C12orf42: variants seen among roughly 807,000 people sequenced by gnomAD.
C12orf42 encodes the protein chromosome 12 open reading frame 42, also known as uncharacterized protein C12orf42.
A neutral mutation model predicts 21.6 loss-of-function variants in C12orf42; 25 were observed. That is an observed-to-expected ratio of 1.16 (90% CI 0.84 to 1.62). The LOEUF (loss-of-function observed/expected upper bound fraction) is 1.62. Ranked by LOEUF, C12orf42 falls within the 40% of genes most tolerant of loss-of-function variation. C12orf42 has a pLI of 0.00. For missense variants in C12orf42, 483 were observed against 459.3 expected, an observed-to-expected ratio of 1.05 and a Z score of -0.47; for synonymous variants, 174 against 175.0, an observed-to-expected ratio of 0.99 and a Z score of 0.05.
At chr12:103,559,079 T>G in the C12orf42 span, 1 of 152,154 alleles carries the variant, frequency 6.6e-6, no homozygotes, top group East Asian at 1.9e-4. Flanking sequence ...CTGATAAGAG[T>G]GTGTCTTTAT....
chr12:103,222,304 G>A, the C12orf42 span, among the ~76,000 whole-genome samples: 1 of 151,708 alleles, frequency 6.6e-6, no homozygotes, highest in Non-Finnish European at 1.5e-5. Context: ...TTCTCTGGCG[G>A]GCAGGAGTGG....
At chr12:103,425,442 G>C (rs558450108) in intron 2 of C12orf42, among the ~76,000 whole-genome samples, 138 of 152,284 alleles carry the variant, frequency 9.1e-4, no homozygotes, top group African/African-American at 2.8e-3. Flanking sequence ...GAGAGCTCCA[G>C]CTGGCATCTG....
the C12orf42 span, among the ~76,000 whole-genome samples, chr12:103,157,235 G>C: frequency 2.0e-5 from 3 of 152,116 alleles, no homozygotes; most frequent in Non-Finnish European, 2.9e-5. Context: ...GTAATGTTGA[G>C]CTTTTTTTCA....
intron 3 of C12orf42, among the ~76,000 whole-genome samples, chr12:103,387,248 C>T (rs1238735696): frequency 6.6e-6 from 1 of 152,184 alleles, no homozygotes; most frequent in South Asian, 2.1e-4. Flanking sequence ...TTTGCACTTG[C>T]TGTTCCCTCT....
chr12:103,126,018 C>G, the C12orf42 span, among the ~76,000 whole-genome samples: 1 of 152,204 alleles, frequency 6.6e-6, no homozygotes, highest in Non-Finnish European at 1.5e-5. Context: ...GGCGCTCTCC[C>G]TCCAGGGCAG....
the C12orf42 span, among the ~76,000 whole-genome samples, chr12:103,217,106 G>A: frequency 5.9e-5 from 9 of 152,148 alleles, no homozygotes; most frequent in African/African-American, 1.7e-4. Context: ...ACCTCCCAAA[G>A]TGCTGGGATT....
chr12:103,478,698 A>G (rs558297773), intron 1 of C12orf42, among the ~76,000 whole-genome samples: 1 of 150,792 alleles, frequency 6.6e-6, no homozygotes, highest in South Asian at 2.1e-4. Context: ...AAAATTCTAT[A>G]CTTTTCTGCA....
chr12:103,366,913 G>C (rs922719522), intron 4 of C12orf42, among the ~76,000 whole-genome samples: 1 of 151,968 alleles, frequency 6.6e-6, no homozygotes, highest in Admixed American at 6.6e-5. Context: ...AGAACTAAAA[G>C]TAGAACTACC....
At chr12:103,163,246 G>T in the C12orf42 span, among the ~76,000 whole-genome samples, 1 of 152,202 alleles carries the variant, frequency 6.6e-6, no homozygotes, top group Non-Finnish European at 1.5e-5. Flanking sequence ...ATCTAAATTG[G>T]ACAAATTGGC....
chr12:103,074,968 G>T, the C12orf42 span, among the ~76,000 whole-genome samples: 13 of 151,910 alleles, frequency 8.6e-5, no homozygotes, highest in Non-Finnish European at 1.8e-4. Context: ...GCATGCCTGT[G>T]GTCCCAGCTA....
chr12:103,555,432 C>T, the C12orf42 span, among the ~76,000 whole-genome samples: 36 of 152,126 alleles, frequency 2.4e-4, no homozygotes, highest in Non-Finnish European at 1.8e-4. Context: ...TACCTCCCAC[C>T]GGGTCTCCTA....
intron 2 of C12orf42, chr12:103,431,092 G>A (rs1374798605): frequency 1.9e-5 from 1 of 52,490 alleles, no homozygotes; most frequent in African/African-American, 6.4e-5. Flanking sequence ...TGCACACAAA[G>A]TATAATAAAA....
intron 4 of C12orf42, among the ~76,000 whole-genome samples, chr12:103,337,644 G>C (rs544425576): frequency 6.6e-6 from 1 of 152,290 alleles, no homozygotes; most frequent in South Asian, 2.1e-4. Context: ...GAGCCACCAT[G>C]CCCGGCCAAG....
chr12:103,103,134 T>A, the C12orf42 span, among the ~76,000 whole-genome samples: 2 of 152,194 alleles, frequency 1.3e-5, no homozygotes, highest in Non-Finnish European at 2.9e-5. Context: ...ATTTGCTATA[T>A]AATGTAACCT....
intron 3 of C12orf42, chr12:103,396,461 A>G (rs1209047829): frequency 2.0e-5 from 3 of 152,330 alleles, no homozygotes; most frequent in African/African-American, 7.2e-5. Flanking sequence ...CAGTGTAGAA[A>G]TTGACAAATA....
At chr12:103,423,855 T>C (rs908729499) in intron 2 of C12orf42, among the ~76,000 whole-genome samples, 1 of 152,218 alleles carries the variant, frequency 6.6e-6, no homozygotes, top group Non-Finnish European at 1.5e-5. Context: ...CCTGTAAAGA[T>C]AACAAGTTGA....
the C12orf42 span, chr12:103,151,763 T>G: frequency 6.6e-6 from 1 of 152,214 alleles, no homozygotes. Flanking sequence ...GAATATTATG[T>G]TAAGCAGAAT....
intron 10 of C12orf42, among the ~76,000 whole-genome samples, chr12:103,256,111 T>TATATATATATATATATAC (rs1439188517): frequency 5.9e-5 from 2 of 33,852 alleles, no homozygotes; most frequent in Non-Finnish European, 1.1e-4. Context: ...TATATATATA[T>TATATATATATATATATAC]ACACACACAC....
Position 103,357,066 on chromosome 12 carries a change from A to G in C12orf42, c.259+11821T>C, listed in dbSNP as rs1482973281. 2.7e-5 allele frequency among the ~76,000 whole-genome samples: 4 copies of G among 145,796 alleles called. No individual in the cohort carries two copies. The South Asian group carries it at 6.9e-4, about 25-fold the overall frequency. ...CAAGGACAAAAAAACCAAACACCGC[A>G]TGTTCTCACTCATAGGTGGGAATTG... is the stretch of plus-strand genomic sequence containing the variant. On this transcript the variant is annotated intron_variant, in intron 4 of 5. Coordinates refer to ENST00000548883, the MANE Select transcript of C12orf42 (RefSeq NM_198521.5).
Sources: gnomAD v4.1 joint callset for allele counts (sites outside exome capture counted in the v4.1 genomes callset) on GRCh38, gnomAD v4.1.1 for gene constraint, MANE v1.5 for transcripts, NCBI Gene and HGNC (gene_info 2026-07-23, HGNC 2026-07-21) for gene names.